GRM7: variants seen among roughly 807,000 people sequenced by gnomAD.
GRM7 encodes the protein glutamate metabotropic receptor 7, also known as metabotropic glutamate receptor 7.
GRM7 carries 35 observed loss-of-function variants against 84.5 expected under a neutral mutation model. The ratio of observed to expected loss-of-function variants is 0.41; its 90% CI spans 0.32 to 0.55. The LOEUF (loss-of-function observed/expected upper bound fraction) is 0.55. Ranked by LOEUF, GRM7 falls within the 20% of genes least tolerant of loss-of-function variation. GRM7 has a pLI of 0.19. For synonymous variants in GRM7, 487 were observed against 455.1 expected (o/e 1.07, Z -0.89); for missense variants, 1,003 against 1,194.6 (o/e 0.84, Z 2.36).
intron 4 of GRM7, among the ~76,000 whole-genome samples, chr3:7,315,446 G>C (rs903369089): frequency 2.0e-5 from 3 of 152,140 alleles, no homozygotes; most frequent in African/African-American, 7.2e-5. Context: ...TTTGCCCCAG[G>C]TGGCTGTGGG....
At chr3:7,020,023 T>C (rs1174000118) in intron 1 of GRM7, among the ~76,000 whole-genome samples, 4 of 152,134 alleles carry the variant, frequency 2.6e-5, no homozygotes. Flanking sequence ...CAGCTAATTT[T>C]TGTACTATTA....
At chr3:7,121,967 G>A (rs1693239983) in intron 1 of GRM7, among the ~76,000 whole-genome samples, 1 of 152,180 alleles carries the variant, frequency 6.6e-6, no homozygotes, top group South Asian at 2.1e-4. Context: ...CACCCCTCAT[G>A]CTCTCTCTGT....
intron 1 of GRM7, among the ~76,000 whole-genome samples, chr3:7,109,815 T>C (rs1321947616): frequency 1.3e-5 from 2 of 152,186 alleles, no homozygotes; most frequent in Non-Finnish European, 2.9e-5. Context: ...CCATTGCAAG[T>C]AATTATTACA....
intron 1 of GRM7, among the ~76,000 whole-genome samples, chr3:7,007,423 A>G (rs960960532): frequency 2.0e-5 from 3 of 152,232 alleles, no homozygotes; most frequent in Non-Finnish European, 2.9e-5. Context: ...ATCCCCAAAA[A>G]TAGAAATAAT....
At chr3:7,461,342 T>C (rs1698238367) in intron 6 of GRM7, among the ~76,000 whole-genome samples, 1 of 152,138 alleles carries the variant, frequency 6.6e-6, no homozygotes. Context: ...TTAAGAAATA[T>C]TGAGAAACAG....
intron 2 of GRM7, among the ~76,000 whole-genome samples, chr3:7,167,374 C>G (rs558709903): frequency 2.2e-4 from 33 of 152,278 alleles, no homozygotes; most frequent in South Asian, 1.9e-3. Flanking sequence ...GACAGTCAAC[C>G]TGGGTTTCCA....
intron 2 of GRM7, among the ~76,000 whole-genome samples, chr3:7,171,235 C>T (rs917168645): frequency 2.0e-5 from 3 of 152,130 alleles, no homozygotes; most frequent in Non-Finnish European, 4.4e-5. Context: ...TGGACTTCTT[C>T]TCCCTGTGTT....
chr3:7,101,179 C>T (rs892798555), intron 1 of GRM7, among the ~76,000 whole-genome samples: 2 of 151,756 alleles, frequency 1.3e-5, no homozygotes, highest in Non-Finnish European at 2.9e-5. Context: ...AACTCCCAAA[C>T]TGTTATTCAA....
At position 6,861,353 on chromosome 3, in the gene GRM7, C is replaced by A. The variant is rs746750835; in HGVS notation, c.-36C>A. 3.5e-5 allele frequency: 52 copies of A among 1,474,658 alleles called. No individual in the cohort carries two copies. The highest frequency in any genetic ancestry group is 1.4e-4 in the Admixed American group (5 of 35,614). 91.3% of individuals were successfully genotyped at this position (1,474,658 alleles called of 1,614,324 possible). A position where few individuals can be genotyped will look rare whatever the true frequency, so the allele number is the denominator to read the frequency against. On this transcript the variant is annotated 5_prime_UTR_variant, in exon 1 of 10. Transcript: ENST00000357716. The surrounding 1 kb of genome is among the most constrained non-coding windows in gnomAD (Gnocchi z 6.4). ...TCGGCGAGCCCACCACCGTTCCCTC[C>A]AGCGCCGCCGCCGCCACCGCAGCAG... is the stretch of plus-strand genomic sequence containing the variant.
At chr3:7,169,747 T>C (rs972591137) in intron 2 of GRM7, among the ~76,000 whole-genome samples, 6 of 152,118 alleles carry the variant, frequency 3.9e-5, no homozygotes, top group African/African-American at 1.4e-4. Context: ...CATTATTATT[T>C]TGATAAATAG....
intron 1 of GRM7, among the ~76,000 whole-genome samples, chr3:6,988,141 C>T (rs1364998470): frequency 1.4e-5 from 2 of 147,104 alleles, no homozygotes; most frequent in Non-Finnish European, 1.5e-5. Flanking sequence ...GGACTACAGG[C>T]GGCCACCATC....
intron 1 of GRM7, among the ~76,000 whole-genome samples, chr3:7,144,191 A>G (rs1694036785): frequency 6.6e-6 from 1 of 152,192 alleles, no homozygotes; most frequent in African/African-American, 2.4e-5. Context: ...TTTAGTAATA[A>G]TTCAGCAAAG....
chr3:7,290,031 TA>T (rs967044652), intron 2 of GRM7, among the ~76,000 whole-genome samples: 3 of 151,830 alleles, frequency 2.0e-5, no homozygotes, highest in Admixed American at 6.6e-5. Context: ...AAAATAAAAA[TA>T]AAAAAAGAAA....
chr3:6,861,914 A>G lies in GRM7; in HGVS notation c.519+7A>G, dbSNP rs342034. The G allele has an allele frequency of 0.96, 1,542,886 of 1,604,048 alleles. 742,208 individuals are homozygous for G. Among genetic ancestry groups the G allele is most frequent in the East Asian group, 1 (44,585 of 44,588 alleles). On this transcript the variant is annotated splice_region_variant and intron_variant, in intron 1 of 9. Transcript: ENST00000357716. The surrounding 1 kb of genome is among the most constrained non-coding windows in gnomAD (Gnocchi z 6.4). ...CATCCTGAGGCTCTTCCAGGTAGGGATGCGCTCCCTCCGGGGCGGAGCACA... is the reference window on the plus strand; with the variant it reads ...CATCCTGAGGCTCTTCCAGGTAGGGGTGCGCTCCCTCCGGGGCGGAGCACA...
In GRM7 at chr3:6,924,013, C is replaced by T. The variant is rs992065273; in HGVS notation, c.519+62106C>T. ...TTAAGTTGGAGTCAGAAGACTTGAG[C>T]TTTCTCTAACTTTTTAGATTTGCTA... On this transcript the variant is annotated intron_variant, in intron 1 of 9. Transcript: ENST00000357716. 3.3e-5 allele frequency among the ~76,000 whole-genome samples: 5 copies of T among 152,272 alleles called. No individual in the cohort carries two copies. The Middle Eastern group carries it at 0.014, about 414-fold the overall frequency.
chr3:7,388,559 T>A (rs1388895865), intron 4 of GRM7, among the ~76,000 whole-genome samples: 1 of 152,116 alleles, frequency 6.6e-6, no homozygotes, highest in African/African-American at 2.4e-5. Flanking sequence ...TGGCTATGAA[T>A]CTGTCTGGTC....
intron 4 of GRM7, among the ~76,000 whole-genome samples, chr3:7,335,035 G>C (rs181651694): frequency 3.9e-5 from 6 of 152,076 alleles, no homozygotes; most frequent in Admixed American, 1.3e-4. Flanking sequence ...GAAACAATGG[G>C]CTTAAGCTAT....
intron 2 of GRM7, among the ~76,000 whole-genome samples, chr3:7,153,597 C>T (rs911851989): frequency 6.6e-6 from 1 of 151,996 alleles, no homozygotes; most frequent in Non-Finnish European, 1.5e-5. Flanking sequence ...TACAGTAAAG[C>T]AGTTGAAAGT....
At chr3:7,406,112 G>A (rs1019003142) in intron 4 of GRM7, among the ~76,000 whole-genome samples, 1 of 152,006 alleles carries the variant, frequency 6.6e-6, no homozygotes, top group Non-Finnish European at 1.5e-5. Context: ...TTCAACACAT[G>A]TATTTAATCA....
Sources: gnomAD v4.1 joint callset for allele counts (sites outside exome capture counted in the v4.1 genomes callset) on GRCh38, gnomAD v4.1.1 for gene constraint, Gnocchi (gnomAD v3.1) non-coding constraint, MANE v1.5 for transcripts, NCBI Gene and HGNC (gene_info 2026-07-23, HGNC 2026-07-21) for gene names.